The following EYA1 variants were observed in gnomAD, a reference collection of about 807,000 sequenced individuals.
EYA1 encodes the protein EYA transcriptional coactivator and phosphatase 1.
Under a neutral mutation model 82.0 loss-of-function variants are expected in EYA1, and 16 were observed. The ratio of observed to expected loss-of-function variants is 0.20; its 90% CI spans 0.13 to 0.30. The LOEUF is 0.30. EYA1 is among the 10% of genes least tolerant of loss of function. The probability of loss-of-function intolerance (pLI) is 1.00; values close to 1 mark genes in which losing one functional copy is unlikely to be tolerated. For missense variants in EYA1, 633 were observed against 730.7 expected, an observed-to-expected ratio of 0.87 and a Z score of 1.54; for synonymous variants, 261 against 264.4, an observed-to-expected ratio of 0.99 and a Z score of 0.12.
At chr8:71,332,248 A>G (rs1377470363) in intron 4 of EYA1, among the ~76,000 whole-genome samples, 2 of 152,072 alleles carry the variant, frequency 1.3e-5, no homozygotes, top group Non-Finnish European at 2.9e-5. Context: ...AACTTTGTTT[A>G]CCCCACTAGC....
chr8:71,201,654 A>C (rs1397564106), intron 17 of EYA1, among the ~76,000 whole-genome samples: 2 of 152,222 alleles, frequency 1.3e-5, no homozygotes, highest in African/African-American at 2.4e-5. Flanking sequence ...ATATATGTAC[A>C]TACTCAAACA....
intron 2 of EYA1, among the ~76,000 whole-genome samples, chr8:71,416,321 C>A (rs1227503614): frequency 6.6e-6 from 1 of 152,158 alleles, no homozygotes; most frequent in Non-Finnish European, 1.5e-5. Flanking sequence ...CCTCTCTATT[C>A]CTTACTGGTT....
In EYA1 at chr8:71,217,011, C is replaced by G. The variant is rs1470014710; in HGVS notation, c.1153G>C (p.Val385Leu). 1 of 1,613,010 alleles carries G rather than the reference C, an allele frequency of 6.2e-7. No individual in the cohort carries two copies. Among genetic ancestry groups the G allele is most frequent in the Non-Finnish European group, 8.5e-7 (1 of 1,178,976 alleles). The change falls in exon 13 of 18, where the codon GTC becomes CTC. Residue 385 changes from valine to leucine, a missense_variant. Transcript: ENST00000340726. ...FFNDLEECDQ[V>L]HIDDVSSDDN... ...TCTGAAGAAACATCATCTATATGGA[C>G]TTGGTCACATTCCTAAAATGCAATT...
intron 9 of EYA1, among the ~76,000 whole-genome samples, chr8:71,274,720 A>G (rs905106457): frequency 5.9e-5 from 9 of 152,246 alleles, no homozygotes; most frequent in Non-Finnish European, 2.9e-5. Context: ...GAAAGGCAGA[A>G]TGCTAGGAGA....
intron 9 of EYA1, among the ~76,000 whole-genome samples, chr8:71,296,772 G>C (rs1365205532): frequency 6.6e-6 from 1 of 151,928 alleles, no homozygotes; most frequent in Non-Finnish European, 1.5e-5. Context: ...TCTGTTTTAT[G>C]TACTTTACCA....
intron 2 of EYA1, among the ~76,000 whole-genome samples, chr8:71,371,861 A>G (rs1828100938): frequency 6.6e-6 from 1 of 152,118 alleles, no homozygotes; most frequent in Admixed American, 6.5e-5. Flanking sequence ...ATCACAGGAA[A>G]ATAAAACTCA....
chr8:71,304,918 A>G (rs1820564192), intron 7 of EYA1, among the ~76,000 whole-genome samples: 1 of 142,976 alleles, frequency 7.0e-6, no homozygotes, highest in African/African-American at 2.5e-5. Context: ...CATGCTCCCC[A>G]GAAAGCTTCA....
intron 12 of EYA1, among the ~76,000 whole-genome samples, chr8:71,237,256 T>C (rs1204395798): frequency 6.6e-6 from 1 of 152,144 alleles, no homozygotes; most frequent in Non-Finnish European, 1.5e-5. Flanking sequence ...CTCACCATGA[T>C]GGCCAGGCTG....
intron 12 of EYA1, among the ~76,000 whole-genome samples, chr8:71,236,186 C>T (rs1344357213): frequency 6.6e-6 from 1 of 152,148 alleles, no homozygotes; most frequent in East Asian, 1.9e-4. Context: ...CAGGTACACG[C>T]CATCACGCCC....
At chr8:71,389,459 T>C (rs1829149095) in intron 2 of EYA1, among the ~76,000 whole-genome samples, 1 of 152,150 alleles carries the variant, frequency 6.6e-6, no homozygotes, top group Non-Finnish European at 1.5e-5. Context: ...ATGTTTTAAA[T>C]GTCCTGCATG....
chr8:71,326,387 A>T (rs1049451484), intron 4 of EYA1, among the ~76,000 whole-genome samples: 3 of 151,694 alleles, frequency 2.0e-5, no homozygotes, highest in African/African-American at 4.9e-5. Flanking sequence ...CCAACAAAAT[A>T]TACCCCAAAC....
At chr8:71,314,008 T>C (rs1821633667) in intron 7 of EYA1, among the ~76,000 whole-genome samples, 1 of 152,194 alleles carries the variant, frequency 6.6e-6, no homozygotes, top group Non-Finnish European at 1.5e-5. Context: ...ATTTTTAAAG[T>C]TGAAAAGATT....
chr8:71,393,101 A>G (rs1435850156), intron 2 of EYA1, among the ~76,000 whole-genome samples: 1 of 152,106 alleles, frequency 6.6e-6, no homozygotes, highest in Non-Finnish European at 1.5e-5. Flanking sequence ...ATGTACCTCT[A>G]TTTTCAATCT....
chr8:71,350,738 C>T (rs901413345), intron 3 of EYA1, among the ~76,000 whole-genome samples: 1 of 152,012 alleles, frequency 6.6e-6, no homozygotes, highest in African/African-American at 2.4e-5. Flanking sequence ...ACTTTTTTGG[C>T]CTTCCTCACT....
chr8:71,281,130 G>C (rs150525357), intron 9 of EYA1, among the ~76,000 whole-genome samples: 1 of 152,276 alleles, frequency 6.6e-6, no homozygotes, highest in Non-Finnish European at 1.5e-5. Context: ...ATTTGAAGTA[G>C]CTATAAAACA....
At chr8:71,365,915 C>G, upstream of EYA1, among the ~76,000 whole-genome samples, 1 of 152,170 alleles carries the variant, frequency 6.6e-6, no homozygotes, top group Non-Finnish European at 1.5e-5. Flanking sequence ...GTTTTCCATT[C>G]AAACTCCAAC....
chr8:71,461,285 A>C (rs1404796967), intron 2 of EYA1, among the ~76,000 whole-genome samples: 2 of 152,116 alleles, frequency 1.3e-5, no homozygotes, highest in East Asian at 3.9e-4. Flanking sequence ...GGAGTCATGC[A>C]TGGAGCGGCA....
chr8:71,201,303 A>G (rs1459778340), intron 17 of EYA1, among the ~76,000 whole-genome samples: 1 of 145,324 alleles, frequency 6.9e-6, no homozygotes, highest in Non-Finnish European at 1.5e-5. Flanking sequence ...GCTGGTAAGG[A>G]GTGAAGCCAA....
intron 7 of EYA1, 25 bp from the exon 8 acceptor site, chr8:71,299,745 G>T (rs1343282266): frequency 6.8e-6 from 8 of 1,172,040 alleles, no homozygotes; most frequent in African/African-American, 3.0e-5. Context: ...AAAGAAATAC[G>T]ATTATACCAG....
Sources: gnomAD v4.1 joint callset for allele counts (sites outside exome capture counted in the v4.1 genomes callset) on GRCh38, gnomAD v4.1.1 for gene constraint, MANE v1.5 for transcripts, NCBI Gene and HGNC (gene_info 2026-07-23, HGNC 2026-07-21) for gene names.